CNTNAP2: variants seen among roughly 807,000 people sequenced by gnomAD.
CNTNAP2 encodes the protein contactin associated protein 2.
A neutral mutation model predicts 155.2 loss-of-function variants in CNTNAP2; 98 were observed. That is an observed-to-expected ratio of 0.63 (90% CI 0.54 to 0.75). The LOEUF (loss-of-function observed/expected upper bound fraction) is 0.75. Among genes scored for constraint, CNTNAP2 ranks in the 30% least tolerant of loss-of-function variants. The pLI is 0.00. For synonymous variants in CNTNAP2, 651 were observed against 631.2 expected (o/e 1.03, Z -0.47); for missense variants, 1,727 against 1,688.1 (o/e 1.02, Z -0.40).
At chr7:146,508,005 C>T (rs555936342) in intron 1 of CNTNAP2, among the ~76,000 whole-genome samples, 41 of 152,254 alleles carry the variant, frequency 2.7e-4, no homozygotes, top group Non-Finnish European at 5.4e-4. Flanking sequence ...CCATCAAATC[C>T]GTGATAGACA....
At chr7:146,893,106 T>C (rs1365391670) in intron 3 of CNTNAP2, among the ~76,000 whole-genome samples, 1 of 152,206 alleles carries the variant, frequency 6.6e-6, no homozygotes, top group Non-Finnish European at 1.5e-5. Context: ...AATGCATTTA[T>C]TTTATATCTC....
intron 1 of CNTNAP2, among the ~76,000 whole-genome samples, chr7:146,151,127 A>G (rs1042205498): frequency 2.0e-5 from 3 of 152,082 alleles, no homozygotes; most frequent in African/African-American, 4.8e-5. Context: ...TGAGAACTGC[A>G]TGGAGGAAAC....
chr7:148,401,692 G>A (rs368460663), intron 22 of CNTNAP2, among the ~76,000 whole-genome samples: 5 of 151,530 alleles, frequency 3.3e-5, no homozygotes, highest in South Asian at 2.1e-4. Context: ...TCCGCTTCCC[G>A]GGTTCATGCT....
intron 1 of CNTNAP2, among the ~76,000 whole-genome samples, chr7:146,524,063 T>C (rs2129137861): frequency 6.6e-6 from 1 of 152,248 alleles, no homozygotes; most frequent in Middle Eastern, 3.4e-3. Context: ...GGGCATACTA[T>C]TAAACCTGTT....
At chr7:147,469,367 G>A (rs936496870) in intron 10 of CNTNAP2, among the ~76,000 whole-genome samples, 4 of 151,972 alleles carry the variant, frequency 2.6e-5, no homozygotes, top group African/African-American at 9.7e-5. Context: ...ATTGAAGTAG[G>A]ATGAAATTCA....
chr7:146,314,088 G>A lies in CNTNAP2; in HGVS notation c.97+197115G>A, dbSNP rs540005857. Among the ~76,000 whole-genome samples the A allele has an allele frequency of 2.1e-3, 317 of 152,092 alleles. 3 individuals are homozygous for A. The highest frequency in any genetic ancestry group is 7.1e-3 in the African/African-American group (295 of 41,472). ...TTCGTTCTTCTGAATATGAATATTCGGTTTTCCCATCAGCATTTGTTGAAT... is the reference window on the plus strand; with the variant it reads ...TTCGTTCTTCTGAATATGAATATTCAGTTTTCCCATCAGCATTTGTTGAAT... On this transcript the variant is annotated intron_variant, in intron 1 of 23. Coordinates refer to ENST00000361727, the MANE Select transcript of CNTNAP2 (RefSeq NM_014141.6).
chr7:148,143,921 G>A (rs1805124586), intron 16 of CNTNAP2, among the ~76,000 whole-genome samples: 1 of 152,170 alleles, frequency 6.6e-6, no homozygotes, highest in African/African-American at 2.4e-5. Flanking sequence ...CATCCAAAGT[G>A]GGTAGCTGGC....
chr7:148,022,914 C>A (rs1230898726), intron 15 of CNTNAP2, among the ~76,000 whole-genome samples: 2 of 152,006 alleles, frequency 1.3e-5, no homozygotes, highest in African/African-American at 2.4e-5. Flanking sequence ...ATAAAACAGA[C>A]GCCCCTGAAG....
rs183178056 is a variant in CNTNAP2 at position 147,881,048 on chromosome 7, G to A, written c.2099-22517G>A. ...GCCAGAGGTAGGAGGAAAAACTGCT[G>A]TAAGAGACAGGAGAAGATGGTATTC... On this transcript the variant is annotated intron_variant, in intron 13 of 23. Transcript: ENST00000361727. 2.2e-3 allele frequency among the ~76,000 whole-genome samples: 340 copies of A among 152,280 alleles called. 3 individuals are homozygous for A. The highest frequency in any genetic ancestry group is 3.4e-3 in the Non-Finnish European group (234 of 68,014).
intron 22 of CNTNAP2, among the ~76,000 whole-genome samples, chr7:148,390,583 C>T (rs1402156161): frequency 6.6e-6 from 1 of 151,544 alleles, no homozygotes; most frequent in East Asian, 1.9e-4. Context: ...CATACCTATA[C>T]CAGGATGTTT....
At chr7:147,861,592 T>C (rs539728406) in intron 13 of CNTNAP2, among the ~76,000 whole-genome samples, 1 of 152,066 alleles carries the variant, frequency 6.6e-6, no homozygotes, top group Non-Finnish European at 1.5e-5. Context: ...GAAAAGAATT[T>C]AAAACAGCCA....
chr7:148,207,240 C>G (rs1246363721), intron 18 of CNTNAP2, among the ~76,000 whole-genome samples: 1 of 152,188 alleles, frequency 6.6e-6, no homozygotes, highest in Non-Finnish European at 1.5e-5. Context: ...GCGGCACTTG[C>G]GGAAGGAGAT....
intron 13 of CNTNAP2, among the ~76,000 whole-genome samples, chr7:147,792,454 TTCTTTCA>T (rs2116575134): frequency 6.6e-6 from 1 of 152,286 alleles, no homozygotes; most frequent in East Asian, 1.9e-4. Flanking sequence ...TGTGTCTTGC[TTCTTTCA>T]CTTAGCATAA....
chr7:146,170,616 C>T (rs1351256414), intron 1 of CNTNAP2, among the ~76,000 whole-genome samples: 9 of 151,838 alleles, frequency 5.9e-5, no homozygotes, highest in African/African-American at 1.5e-4. Context: ...ATTAAGAAAA[C>T]TAATTTTTAA....
intron 15 of CNTNAP2, among the ~76,000 whole-genome samples, chr7:148,101,657 G>A (rs549911736): frequency 6.6e-6 from 1 of 152,128 alleles, no homozygotes; most frequent in African/African-American, 2.4e-5. Flanking sequence ...TAGAGCCCTT[G>A]TTCTTCGTCC....
intron 3 of CNTNAP2, among the ~76,000 whole-genome samples, chr7:146,918,294 T>G (rs1796434052): frequency 6.6e-6 from 1 of 152,192 alleles, no homozygotes; most frequent in Non-Finnish European, 1.5e-5. Flanking sequence ...ATTTATGCTC[T>G]AAGGAGATTC....
chr7:148,059,832 A>C (rs1457630829), intron 15 of CNTNAP2, among the ~76,000 whole-genome samples: 1 of 151,366 alleles, frequency 6.6e-6, no homozygotes, highest in Non-Finnish European at 1.5e-5. Flanking sequence ...CTAAGTTAGA[A>C]TATATCTAAT....
At chr7:147,783,149 T>C (rs1797683723) in intron 13 of CNTNAP2, among the ~76,000 whole-genome samples, 1 of 152,212 alleles carries the variant, frequency 6.6e-6, no homozygotes, top group Non-Finnish European at 1.5e-5. Context: ...ATGCATAATG[T>C]TGGAAATTAA....
chr7:147,280,761 T>C (rs1318323025), intron 8 of CNTNAP2, among the ~76,000 whole-genome samples: 1 of 151,930 alleles, frequency 6.6e-6, no homozygotes, highest in Non-Finnish European at 1.5e-5. Context: ...ATTTCTACCA[T>C]AATTTGCTTT....
Sources: allele counts gnomAD v4.1 joint callset (sites outside exome capture counted in the v4.1 genomes callset), GRCh38; gene constraint gnomAD v4.1.1; transcripts MANE v1.5; gene names NCBI Gene and HGNC (gene_info 2026-07-23, HGNC 2026-07-21).